The following STK3 variants were observed in gnomAD, a reference collection of about 807,000 sequenced individuals.
STK3 encodes serine/threonine kinase 3.
In STK3, 41 loss-of-function variants were observed where a neutral mutation model predicts 58.0. The observed-to-expected ratio is 0.71, with a 90% CI of 0.55 to 0.92. The LOEUF (loss-of-function observed/expected upper bound fraction) is 0.92. STK3 is among the 40% of genes least tolerant of loss of function. STK3 has a pLI of 0.00. For missense variants in STK3, 479 were observed against 602.7 expected (o/e 0.79, Z 2.15); for synonymous variants, 170 against 191.0 (o/e 0.89, Z 0.91).
chr8:98,828,791 G>A (rs954231391), upstream of STK3, among the ~76,000 whole-genome samples: 6 of 152,130 alleles, frequency 3.9e-5, no homozygotes, highest in African/African-American at 7.2e-5. Flanking sequence ...ATATATGTCC[G>A]TAGTACCCTG....
chr8:98,489,203 C>T (rs1215705493), intron 10 of STK3, among the ~76,000 whole-genome samples: 1 of 151,712 alleles, frequency 6.6e-6, no homozygotes, highest in Non-Finnish European at 1.5e-5. Context: ...GATATGAAAA[C>T]ATAATCTGTC....
chr8:98,849,537 C>T (rs561888370), intron 3 of STK3, among the ~76,000 whole-genome samples: 18 of 152,292 alleles, frequency 1.2e-4, no homozygotes, highest in Non-Finnish European at 1.8e-4. Context: ...AGTTAGGTCT[C>T]ACATAACTGA....
chr8:98,395,182 A>C (rs1331589073), intron 3 of STK3, among the ~76,000 whole-genome samples: 3 of 152,200 alleles, frequency 2.0e-5, no homozygotes, highest in Non-Finnish European at 2.9e-5. Context: ...CTTGTTACTG[A>C]AGCATTGCCT....
chr8:98,360,242 A>T, the STK3 span, among the ~76,000 whole-genome samples: 1 of 152,146 alleles, frequency 6.6e-6, no homozygotes, highest in Admixed American at 6.5e-5. Context: ...GACTCCCCAA[A>T]ACTGGGAGGG....
intron 1 of STK3, among the ~76,000 whole-genome samples, chr8:98,893,458 GAA>G (rs769227059): frequency 3.4e-3 from 310 of 91,378 alleles, no homozygotes; most frequent in Admixed American, 5.8e-3. Context: ...AAGAAAGAAA[GAA>G]AGAAAGAAAG....
intron 1 of STK3, among the ~76,000 whole-genome samples, chr8:98,387,441 C>T (rs920660652): frequency 2.6e-5 from 4 of 152,164 alleles, no homozygotes; most frequent in African/African-American, 4.8e-5. Context: ...AAAGTATTTC[C>T]CTTCTCTGAT....
intron 3 of STK3, among the ~76,000 whole-genome samples, chr8:98,840,628 TACAC>T (rs1554689100): frequency 3.5e-5 from 4 of 114,474 alleles, no homozygotes; most frequent in Non-Finnish European, 5.3e-5. Context: ...TATATATATA[TACAC>T]ACACATACGT....
At chr8:98,527,202 C>A (rs1165741013) in intron 9 of STK3, among the ~76,000 whole-genome samples, 3 of 152,110 alleles carry the variant, frequency 2.0e-5, no homozygotes, top group Non-Finnish European at 4.4e-5. Context: ...TATTAAAAAT[C>A]ATTTCAGCTT....
At chr8:98,671,402 C>T (rs1418489916) in intron 6 of STK3, among the ~76,000 whole-genome samples, 1 of 152,114 alleles carries the variant, frequency 6.6e-6, no homozygotes, top group Non-Finnish European at 1.5e-5. Context: ...CCATAAATTA[C>T]ATAAAAGCTC....
At chr8:98,791,460 GA>G (rs1167272341) in intron 1 of STK3, among the ~76,000 whole-genome samples, 6 of 152,084 alleles carry the variant, frequency 3.9e-5, no homozygotes, top group Non-Finnish European at 8.8e-5. Context: ...CACAGAATTA[GA>G]AAAAACAATC....
chr8:98,635,026 G>T (rs1258285454), intron 6 of STK3, among the ~76,000 whole-genome samples: 1 of 151,974 alleles, frequency 6.6e-6, no homozygotes, highest in South Asian at 2.1e-4. Context: ...AGCCTGTAAA[G>T]TTCCATAGCA....
intron 1 of STK3, among the ~76,000 whole-genome samples, chr8:98,386,400 T>C (rs1437232432): frequency 4.6e-5 from 7 of 152,170 alleles, no homozygotes; most frequent in East Asian, 1.9e-4. Flanking sequence ...TATGCAGCTA[T>C]AAAAAGGAAT....
chr8:98,649,147 T>C (rs1383621871), intron 6 of STK3, among the ~76,000 whole-genome samples: 1 of 152,174 alleles, frequency 6.6e-6, no homozygotes, highest in African/African-American at 2.4e-5. Context: ...TCTATTGGGA[T>C]TTGCATTTCT....
At chr8:98,726,700 C>T (rs548679607) in intron 4 of STK3, among the ~76,000 whole-genome samples, 1 of 152,094 alleles carries the variant, frequency 6.6e-6, no homozygotes, top group Non-Finnish European at 1.5e-5. Flanking sequence ...GAAATAACAC[C>T]AGGATCAAGC....
chr8:98,353,862 T>A, the STK3 span, among the ~76,000 whole-genome samples: 1 of 151,490 alleles, frequency 6.6e-6, no homozygotes, highest in Non-Finnish European at 1.5e-5. Flanking sequence ...AAAAACATAC[T>A]TTTGTTGTTC....
intron 1 of STK3, among the ~76,000 whole-genome samples, chr8:98,822,706 G>A (rs1223564884): frequency 6.6e-6 from 1 of 152,152 alleles, no homozygotes; most frequent in Non-Finnish European, 1.5e-5. Context: ...AGGTAAAGCT[G>A]GGAGTACCCA....
chr8:98,584,006 T>C (rs1814193147), intron 7 of STK3, among the ~76,000 whole-genome samples: 1 of 152,152 alleles, frequency 6.6e-6, no homozygotes, highest in Non-Finnish European at 1.5e-5. Context: ...TTTCACAATT[T>C]TAAAAAAGTA....
At chr8:98,873,571 T>C (rs1222392764) in intron 3 of STK3, among the ~76,000 whole-genome samples, 1 of 152,264 alleles carries the variant, frequency 6.6e-6, no homozygotes, top group Admixed American at 6.5e-5. Flanking sequence ...TCTTGTTGAA[T>C]TGATCCCTTT....
chr8:98,934,808 C>T (rs1398000732), intron 1 of STK3, among the ~76,000 whole-genome samples: 3 of 151,970 alleles, frequency 2.0e-5, no homozygotes, highest in Admixed American at 1.3e-4. Flanking sequence ...CCCAGCTACT[C>T]GGGAGGCTGA....
Sources: allele counts gnomAD v4.1 joint callset (sites outside exome capture counted in the v4.1 genomes callset), GRCh38; gene constraint gnomAD v4.1.1; transcripts MANE v1.5; gene names NCBI Gene and HGNC (gene_info 2026-07-23, HGNC 2026-07-21).